CWC27: variants seen among roughly 807,000 people sequenced by gnomAD.
CWC27 encodes the protein CWC27 spliceosome associated cyclophilin, also known as spliceosome-associated protein CWC27 homolog.
In CWC27, 47 loss-of-function variants were observed where a neutral mutation model predicts 63.6. The observed-to-expected ratio is 0.74, with a 90% CI of 0.58 to 0.94. The LOEUF (loss-of-function observed/expected upper bound fraction) is 0.94. Among genes scored for constraint, CWC27 ranks in the 40% least tolerant of loss-of-function variants. The probability of loss-of-function intolerance (pLI) is 0.00; values close to 1 mark genes in which losing one functional copy is unlikely to be tolerated. For missense variants in CWC27, 495 were observed against 554.3 expected, an observed-to-expected ratio of 0.89 and a Z score of 1.07; for synonymous variants, 175 against 179.8, an observed-to-expected ratio of 0.97 and a Z score of 0.22.
intron 7 of CWC27, among the ~76,000 whole-genome samples, chr5:64,794,584 G>A (rs908366094): frequency 1.3e-5 from 2 of 152,038 alleles, no homozygotes; most frequent in Admixed American, 1.3e-4. Context: ...TCCAGAGGAA[G>A]GGAAATGGTG....
chr5:64,829,362 T>G (rs974655073), intron 10 of CWC27, among the ~76,000 whole-genome samples: 3 of 152,142 alleles, frequency 2.0e-5, no homozygotes, highest in African/African-American at 7.2e-5. Flanking sequence ...AAAATTTCCC[T>G]CCAGAAACAG....
At chr5:64,781,737 T>C (rs1743698403) in intron 2 of CWC27, among the ~76,000 whole-genome samples, 184 bp from the exon 3 acceptor site, 1 of 152,228 alleles carries the variant, frequency 6.6e-6, no homozygotes. Context: ...TGATGGTTTC[T>C]GTAGAAATGT....
chr5:64,901,737 T>C (rs1747515544), intron 11 of CWC27, among the ~76,000 whole-genome samples: 1 of 152,244 alleles, frequency 6.6e-6, no homozygotes, highest in African/African-American at 2.4e-5. Flanking sequence ...CTTGACTGTT[T>C]TGTAATCACA....
intron 11 of CWC27, among the ~76,000 whole-genome samples, chr5:64,962,561 T>A (rs1163316175): frequency 6.6e-6 from 1 of 152,110 alleles, no homozygotes; most frequent in African/African-American, 2.4e-5. Flanking sequence ...TTTTCAGAAC[T>A]CTATGTGGCA....
chr5:64,839,390 T>C (rs761739550), intron 10 of CWC27, among the ~76,000 whole-genome samples: 1 of 152,186 alleles, frequency 6.6e-6, no homozygotes, highest in Non-Finnish European at 1.5e-5. Flanking sequence ...TGTGAGTAGT[T>C]ATATATGATA....
chr5:64,771,709 A>T (rs527626450), intron 1 of CWC27, among the ~76,000 whole-genome samples: 5 of 152,350 alleles, frequency 3.3e-5, no homozygotes, highest in African/African-American at 9.6e-5. Context: ...TATAAGAAAC[A>T]TGATATTATC....
In CWC27 at chr5:64,787,478, A is replaced by G. The variant is rs374701478; in HGVS notation, c.599+851A>G. Among the ~76,000 whole-genome samples, 11 of 151,978 alleles carry G rather than the reference A, an allele frequency of 7.2e-5. No individual in the cohort carries two copies. The East Asian group carries it at 9.6e-4, about 13-fold the overall frequency. On this transcript the variant is annotated intron_variant, in intron 6 of 13. Coordinates refer to ENST00000381070, the MANE Select transcript of CWC27 (RefSeq NM_005869.4). ...AAATAGAAAGTAAAGTATAAAGAATATTTTTAATGACTGCATGATTGCATT... is the reference window on the plus strand; with the variant it reads ...AAATAGAAAGTAAAGTATAAAGAATGTTTTTAATGACTGCATGATTGCATT...
intron 10 of CWC27, among the ~76,000 whole-genome samples, chr5:64,818,102 A>G (rs991110936): frequency 2.0e-5 from 3 of 152,088 alleles, no homozygotes; most frequent in Non-Finnish European, 4.4e-5. Context: ...TAAAAATTAT[A>G]TGATAATTGG....
chr5:64,986,916 A>C (rs1318959718), intron 13 of CWC27, among the ~76,000 whole-genome samples: 1 of 152,168 alleles, frequency 6.6e-6, no homozygotes, highest in Non-Finnish European at 1.5e-5. Context: ...TCTAAAAAAA[A>C]TCATTTTTTT....
chr5:64,945,997 T>C (rs1748584305), intron 11 of CWC27, among the ~76,000 whole-genome samples: 1 of 152,138 alleles, frequency 6.6e-6, no homozygotes, highest in Admixed American at 6.6e-5. Flanking sequence ...TATATTCTTT[T>C]AATAGAGCAG....
Position 64,869,998 on chromosome 5 carries a change from G to C in CWC27, c.939-15445G>C, listed in dbSNP as rs142400209. Among the ~76,000 whole-genome samples, 7 of 152,126 alleles carry C rather than the reference G, an allele frequency of 4.6e-5. No homozygotes were observed. The East Asian group carries it at 1.4e-3, about 29-fold the overall frequency. Reference sequence around the variant, plus strand: ...GGATGGGGAAAAAAAACTAAAAAATGAGAGTGAAAAGGTATTAATTCCCCA... The same window carrying C: ...GGATGGGGAAAAAAAACTAAAAAATCAGAGTGAAAAGGTATTAATTCCCCA... On this transcript the variant is annotated intron_variant, in intron 10 of 13. Transcript: ENST00000381070.
intron 7 of CWC27, among the ~76,000 whole-genome samples, chr5:64,791,639 A>C (rs1207691388): frequency 6.6e-6 from 1 of 152,066 alleles, no homozygotes; most frequent in Non-Finnish European, 1.5e-5. Context: ...GGTGCTTTGT[A>C]ATTAAGTTAT....
At chr5:64,821,173 C>A (rs1030293628) in intron 10 of CWC27, among the ~76,000 whole-genome samples, 10 of 148,818 alleles carry the variant, frequency 6.7e-5, no homozygotes, top group Admixed American at 4.1e-4. Context: ...CAACCTCCAA[C>A]TCCATGGTTC....
intron 10 of CWC27, among the ~76,000 whole-genome samples, chr5:64,853,218 A>C (rs1199647350): frequency 6.6e-6 from 1 of 152,210 alleles, no homozygotes; most frequent in Admixed American, 6.5e-5. Flanking sequence ...AGAAAGCTGA[A>C]ACATGGACAG....
intron 10 of CWC27, chr5:64,844,934 G>A: frequency 2.2e-6 from 1 of 456,680 alleles, no homozygotes; most frequent in Non-Finnish European, 4.4e-6. Flanking sequence ...AAATTACTCT[G>A]CCTAACCTTG....
intron 11 of CWC27, among the ~76,000 whole-genome samples, chr5:64,947,930 A>G (rs1176121298): frequency 1.3e-5 from 2 of 152,064 alleles, no homozygotes; most frequent in Non-Finnish European, 2.9e-5. Context: ...CAAATCAGAA[A>G]AGATTTAATC....
intron 11 of CWC27, among the ~76,000 whole-genome samples, chr5:64,909,045 T>G (rs1747726736): frequency 6.6e-6 from 1 of 152,218 alleles, no homozygotes; most frequent in African/African-American, 2.4e-5. Flanking sequence ...CCATATTTAG[T>G]GCTTCCTTCA....
Position 64,856,452 on chromosome 5 carries a change from GTGTA to G in CWC27, c.939-28987_939-28984del, listed in dbSNP as rs1350092979. On this transcript the variant is annotated intron_variant, in intron 10 of 13. Transcript: ENST00000381070. ...TCTGTATTTGTCTTTAAGAAACTTAGTGTATGTGTGTGTGTATGTGTGTGTGTGT... is the reference window on the plus strand; with the variant it reads ...TCTGTATTTGTCTTTAAGAAACTTAGTGTGTGTGTGTATGTGTGTGTGTGT... Among the ~76,000 whole-genome samples the G allele has an allele frequency of 4.4e-5, 6 of 135,286 alleles. No homozygotes were observed. In the South Asian group the frequency reaches 9.5e-4, roughly 22 times the overall value. The allele number at this position is 135,286 out of a possible 152,430, so 88.8% of individuals were successfully genotyped here.
chr5:64,832,163 C>T (rs562989623), intron 10 of CWC27, among the ~76,000 whole-genome samples: 11 of 151,804 alleles, frequency 7.2e-5, no homozygotes, highest in Admixed American at 7.2e-4. Context: ...AATCTTTTAC[C>T]CATGTGTGAT....
Sources: gnomAD v4.1 joint callset for allele counts (sites outside exome capture counted in the v4.1 genomes callset) on GRCh38, gnomAD v4.1.1 for gene constraint, MANE v1.5 for transcripts, NCBI Gene and HGNC (gene_info 2026-07-23, HGNC 2026-07-21) for gene names.